The following UNC13D variants were observed in gnomAD, a reference collection of about 807,000 sequenced individuals.
The protein encoded by UNC13D is unc-13 homolog D.
A neutral mutation model predicts 151.7 loss-of-function variants in UNC13D; 115 were observed. The observed-to-expected ratio is 0.76, with a 90% confidence interval of 0.65 to 0.88. The LOEUF is 0.88. UNC13D is among the 40% of genes least tolerant of loss of function. The pLI, the probability that UNC13D is intolerant of heterozygous loss-of-function variation, is 0.00. For missense variants in UNC13D, 1,369 were observed against 1,438.7 expected (o/e 0.95, Z 0.78); for synonymous variants, 588 against 612.2 (o/e 0.96, Z 0.58).
rs779310848 is a variant in UNC13D, at chr17:75,834,669, C to A, written c.2040G>T (p.Arg680=). 52 of 1,613,784 alleles carry A rather than the reference C, an allele frequency of 3.2e-5. No individual in the cohort carries two copies. The highest frequency in any genetic ancestry group is 3.4e-5 in the Non-Finnish European group (40 of 1,180,030). The stretch of plus-strand genomic sequence containing the variant: ...TCTGGCCTGAAGAGAGCTCGCGGGC[C>A]CGGGCCTTTATAAGGCTGCAGTACA... ...ALVYCSLIKA[R]ARELSSGQKD... is the part of the protein sequence containing the mutation. Residue 680 remains arginine (R), a synonymous_variant, in exon 22 of 32, where the codon CGG becomes CGT. Transcript: ENST00000207549.
At chr17:75,836,979 C>G (rs1348668837) in intron 12 of UNC13D, 61 bp from the exon 13 acceptor site, 7 of 1,221,926 alleles carry the variant, frequency 5.7e-6, no homozygotes, top group Non-Finnish European at 6.6e-6. Flanking sequence ...CCCCTGTTCA[C>G]CCGGCCTCAG....
intron 12 of UNC13D, 88 bp from the exon 13 acceptor site, chr17:75,837,006 C>CCCTCCTCCAGGGCTCCTGGTGGAGAA: frequency 1.7e-6 from 2 of 1,211,602 alleles, no homozygotes; most frequent in South Asian, 1.2e-5. Context: ...GGAATCGCCT[C>CCCTCCTCCAGGGCTCCTGGTGGAGAA]CCATCCACCA....
At position 75,841,036 on chromosome 17, in the gene UNC13D, G is replaced by C. The variant is rs764180456; in HGVS notation, c.570-35C>G. ...GAAAAGGGCGTGGTTGAGGGCCCTG[G>C]AGGGTGGATGCCCCCAGACGAAGCA... is the stretch of plus-strand genomic sequence containing the variant. On this transcript the variant is annotated intron_variant, in intron 6 of 31. Coordinates refer to ENST00000207549, the MANE Select transcript of UNC13D (RefSeq NM_199242.3). 3.7e-6 allele frequency: 6 copies of C among 1,613,592 alleles called. No homozygotes were observed. In the African/African-American group the frequency reaches 8.0e-5, roughly 22 times the overall value.
rs1267327666 is a variant in UNC13D, at chr17:75,834,901, C to T, written c.1992+19G>A. ...GCTGTTCTAGAAAGAGGGGGAAGGA[C>T]ACGTGGAAGATGCCGCACCTCCACA... is the stretch of plus-strand genomic sequence containing the variant. On this transcript the variant is annotated intron_variant, in intron 21 of 31. Coordinates refer to ENST00000207549, the MANE Select transcript of UNC13D (RefSeq NM_199242.3). 4 of 1,613,656 alleles carry T rather than the reference C, an allele frequency of 2.5e-6. No individual in the cohort carries two copies. Among genetic ancestry groups the T allele is most frequent in the Admixed American group, 1.7e-5 (1 of 59,978 alleles).
At chr17:75,834,222 G>C in intron 23 of UNC13D, 79 bp from the exon 24 acceptor site, 1 of 1,593,660 alleles carries the variant, frequency 6.3e-7, no homozygotes, top group Non-Finnish European at 8.5e-7. Context: ...CCTGAGTTTA[G>C]ACGCACGAAG....
intron 28 of UNC13D, 25 bp from the exon 29 acceptor site, chr17:75,830,507 T>G (rs1426668185): frequency 1.9e-6 from 3 of 1,588,184 alleles, no homozygotes; most frequent in Non-Finnish European, 2.6e-6. Context: ...AGGGGCAGGG[T>G]CAGCAGGGTC....
chr17:75,843,698 T>C, intron 1 of UNC13D, 179 bp from the exon 2 acceptor site: 1 of 1,457,122 alleles, frequency 6.9e-7, no homozygotes, highest in Non-Finnish European at 9.0e-7. Flanking sequence ...GGTCCGTCCC[T>C]GGGCCCGCCG....
At position 75,843,394 on chromosome 17, in the gene UNC13D, G is replaced by A. The variant is rs553561485; in HGVS notation, c.153+90C>T. ...GAGACCCAGGAGTCCCCTCCCCACC[G>A]CAAGTTGCTTGCTGCCATCAGCGTC... is the stretch of plus-strand genomic sequence containing the variant. On this transcript the variant is annotated intron_variant, in intron 2 of 31. Transcript: ENST00000207549. The A allele has an allele frequency of 1.3e-4, 196 of 1,566,828 alleles. 1 individual carries two copies. The East Asian group carries it at 4.2e-3, about 33-fold the overall frequency.
rs760457545 is a variant in UNC13D at position 75,836,899 on chromosome 17, G to A, written c.1075C>T (p.Arg359Cys). ...QSMAQWLAYS[R>C]LYQSLEFPSS... ...GGGAACTCCAGGCTCTGGTAGAGGC[G>A]GCTGTAGGCCAGCCACTGCCTGCAG... is the stretch of plus-strand genomic sequence containing the variant. Residue 359 changes from arginine to cysteine, a missense_variant, in exon 13 of 32, where the codon CGC (arginine) becomes TGC (cysteine). This residue lies in a region of UNC13D where 550 missense variants were observed against 609.0 expected (regional missense o/e 0.90). Transcript: ENST00000207549. 9.9e-6 allele frequency: 16 copies of A among 1,613,082 alleles called. No homozygotes were observed. Among genetic ancestry groups the A allele is most frequent in the East Asian group, 2.2e-5 (1 of 44,876 alleles).
intron 30 of UNC13D, 148 bp from the exon 31 acceptor site, chr17:75,829,131 A>G: frequency 9.8e-7 from 1 of 1,016,660 alleles, no homozygotes; most frequent in South Asian, 1.6e-5. Flanking sequence ...CATGTGGTGC[A>G]ATGCCTGCTC....
rs1189554929 is a variant in UNC13D at position 75,830,034 on chromosome 17, A to G, written c.2948T>C (p.Phe983Ser). The G allele has an allele frequency of 1.3e-6, 2 of 1,577,382 alleles. No homozygotes were observed. The highest frequency in any genetic ancestry group is 1.7e-6 in the Non-Finnish European group (2 of 1,161,358). ...KDLHPLFDET[F>S]EFLVPAEPCR... is the part of the protein sequence containing the mutation. Reference sequence around the variant, plus strand: ...AAGAACGGGACCCACTCACAATTCAAAGGTCTCATCAAACAATGGGTGAAG... The same window carrying G: ...AAGAACGGGACCCACTCACAATTCAGAGGTCTCATCAAACAATGGGTGAAG... Residue 983 changes from phenylalanine to serine, a missense_variant, in exon 30 of 32, where the codon TTT (phenylalanine) becomes TCT (serine). Phe to Ser is a radical substitution (Grantham distance 155). Coordinates refer to ENST00000207549, the MANE Select transcript of UNC13D (RefSeq NM_199242.3).
intron 31 of UNC13D, among the ~76,000 whole-genome samples, 177 bp from the exon 32 acceptor site, chr17:75,828,263 G>A (rs932720176): frequency 3.3e-5 from 5 of 152,208 alleles, no homozygotes; most frequent in African/African-American, 9.7e-5. Context: ...AGACGCATCC[G>A]GTCGGGTCGC....
rs1413717326 is a variant in UNC13D, at chr17:75,827,562, G to T, written c.*403C>A. ...TTTTCCAGGAGACTCTGTGCCTGTA[G>T]CCCTGGTCCCAGTGAACCTGGCCCC... On this transcript the variant is annotated 3_prime_UTR_variant, in exon 32 of 32. Transcript: ENST00000207549. 1 of 1,535,234 alleles carries T rather than the reference G, an allele frequency of 6.5e-7. No individual in the cohort carries two copies. The highest frequency in any genetic ancestry group is 2.0e-5 in the Admixed American group (1 of 50,962).
intron 23 of UNC13D, 91 bp from the exon 24 acceptor site, chr17:75,834,234 G>A: frequency 6.3e-7 from 1 of 1,585,950 alleles, no homozygotes; most frequent in Non-Finnish European, 8.6e-7. Context: ...CGCACGAAGG[G>A]GTCAGGGTTG....
At chr17:75,837,002 G>A (rs2143883668) in intron 12 of UNC13D, 84 bp from the exon 13 acceptor site, 8 of 1,174,674 alleles carry the variant, frequency 6.8e-6, no homozygotes, top group South Asian at 5.0e-5. Flanking sequence ...GGGGGGAATC[G>A]CCTCCCATCC....
Position 75,840,877 on chromosome 17 carries a change from C to A in UNC13D, c.615-47G>T, listed in dbSNP as rs748657016. 3.7e-6 allele frequency: 6 copies of A among 1,613,806 alleles called. No individual in the cohort carries two copies. The African/African-American group carries it at 6.7e-5, about 18-fold the overall frequency. The stretch of plus-strand genomic sequence containing the variant: ...AAGGAAGCAGAGAGAGTGCCTACGA[C>A]CTCTTCCAGGAGGAGGTTCCGCCTC... On this transcript the variant is annotated intron_variant, in intron 7 of 31. Transcript: ENST00000207549. This position sits in a 1 kb window ranked among gnomAD's most constrained non-coding sequence, Gnocchi z 4.6.
chr17:75,839,340 T>A (rs2064931618), intron 12 of UNC13D, among the ~76,000 whole-genome samples: 1 of 150,054 alleles, frequency 6.7e-6, no homozygotes, highest in Non-Finnish European at 1.5e-5. Flanking sequence ...AGGCAGAGGT[T>A]GCATGCAGTG....
At chr17:75,829,966 C>T in intron 30 of UNC13D, 62 bp downstream of exon 30, 1 of 1,555,248 alleles carries the variant, frequency 6.4e-7, no homozygotes, top group Non-Finnish European at 8.7e-7. Flanking sequence ...AGGAGCAGGC[C>T]TGAGGGAGCC....
chr17:75,842,670 G>A, intron 5 of UNC13D, 57 bp from the exon 6 acceptor site: 1 of 1,607,806 alleles, frequency 6.2e-7, no homozygotes, highest in Non-Finnish European at 8.5e-7. Flanking sequence ...CCCTGGGAGA[G>A]GCCCTCATCA....
Sources: gnomAD v4.1 joint callset for allele counts (sites outside exome capture counted in the v4.1 genomes callset) on GRCh38, gnomAD v4.1.1 for gene constraint, gnomAD v4.1.1 regional missense constraint, Gnocchi (gnomAD v3.1) non-coding constraint, MANE v1.5 for transcripts, NCBI Gene and HGNC (gene_info 2026-07-23, HGNC 2026-07-21) for gene names.